Variants in RPS6KA1 observed in about 807,000 individuals in gnomAD.
RPS6KA1 encodes ribosomal protein S6 kinase A1, also known as ribosomal protein S6 kinase alpha-1.
Under a neutral mutation model 91.3 loss-of-function variants are expected in RPS6KA1, and 48 were observed. The observed-to-expected ratio is 0.53, with a 90% confidence interval of 0.42 to 0.67. The LOEUF (loss-of-function observed/expected upper bound fraction) is 0.67, where lower values mean the gene tolerates loss of function less well. Ranked by LOEUF, RPS6KA1 falls within the 30% of genes least tolerant of loss-of-function variation. RPS6KA1 has a pLI of 0.00. For synonymous variants in RPS6KA1, 359 were observed against 384.7 expected, an observed-to-expected ratio of 0.93 and a Z score of 0.78; for missense variants, 719 against 960.5, an observed-to-expected ratio of 0.75 and a Z score of 3.32.
chr1:26,552,366 A>G (rs2076059364), intron 6 of RPS6KA1, among the ~76,000 whole-genome samples: 1 of 139,306 alleles, frequency 7.2e-6, no homozygotes. Context: ...CCAGCTTGGC[A>G]ACAGAGCGAG....
Position 26,554,335 on chromosome 1 carries a change from C to T in RPS6KA1, c.613+84C>T, listed in dbSNP as rs1447577427. 3 of 1,400,860 alleles carry T rather than the reference C, an allele frequency of 2.1e-6. No homozygotes were observed. Among genetic ancestry groups the T allele is most frequent in the African/African-American group, 1.4e-5 (1 of 69,528 alleles). 86.8% of individuals were successfully genotyped at this position (1,400,860 alleles called of 1,614,324 possible). A position where few individuals can be genotyped will look rare whatever the true frequency, so the allele number is the denominator to read the frequency against. On this transcript the variant is annotated intron_variant, in intron 8 of 21. Transcript: ENST00000374168. The surrounding 1 kb of genome is among the most constrained non-coding windows in gnomAD (Gnocchi z 4.6). Reference sequence around the variant, plus strand: ...AGGTCTCGGCTGAGTGCTGGGGGCTCATTCTTCCCGAGAAGCCGTGCCAGT... The same window carrying T: ...AGGTCTCGGCTGAGTGCTGGGGGCTTATTCTTCCCGAGAAGCCGTGCCAGT...
At chr1:26,537,411 G>A (rs1313713760) in intron 2 of RPS6KA1, among the ~76,000 whole-genome samples, 1 of 152,340 alleles carries the variant, frequency 6.6e-6, no homozygotes, top group Non-Finnish European at 1.5e-5. Flanking sequence ...GGCTAACCAG[G>A]CCCATTGCCT....
At chr1:26,567,506 G>C (rs1221928923) in intron 17 of RPS6KA1, among the ~76,000 whole-genome samples, 2 of 152,036 alleles carry the variant, frequency 1.3e-5, no homozygotes, top group East Asian at 3.9e-4. Flanking sequence ...TCAGCCTCCC[G>C]AGTAGCTGGG....
intron 1 of RPS6KA1, among the ~76,000 whole-genome samples, chr1:26,536,252 C>T (rs1040327798): frequency 9.2e-5 from 14 of 151,940 alleles, no homozygotes; most frequent in African/African-American, 3.4e-4. Flanking sequence ...CAGCTGTTAG[C>T]CCCAAGCCCT....
At chr1:26,572,390 A>C in intron 20 of RPS6KA1, 97 bp downstream of exon 20, 1 of 794,372 alleles carries the variant, frequency 1.3e-6, no homozygotes, top group Non-Finnish European at 2.2e-6. Context: ...CATTTCTCCA[A>C]GCGGATGTTC....
chr1:26,556,943 C>T, intron 12 of RPS6KA1, 55 bp from the exon 13 acceptor site: 1 of 1,382,430 alleles, frequency 7.2e-7, no homozygotes, highest in Admixed American at 1.7e-5. Flanking sequence ...GCATGGGGCT[C>T]CTGGTGGGCT....
In RPS6KA1 at chr1:26,554,856, G is replaced by A. The variant is rs1036285458; in HGVS notation, c.756+118G>A. The A allele has an allele frequency of 3.1e-5, 43 of 1,378,744 alleles. No individual in the cohort carries two copies. The highest frequency in any genetic ancestry group is 4.2e-5 in the Non-Finnish European group (43 of 1,012,096). 85.4% of individuals were successfully genotyped at this position (1,378,744 alleles called of 1,614,324 possible). A position where few individuals can be genotyped will look rare whatever the true frequency, so the allele number is the denominator to read the frequency against. On this transcript the variant is annotated intron_variant, in intron 9 of 21. Coordinates refer to ENST00000374168, the MANE Select transcript of RPS6KA1 (RefSeq NM_002953.4). The surrounding 1 kb of genome is among the most constrained non-coding windows in gnomAD (Gnocchi z 4.6). ...TCTCCCCGTCTCCTCTCACAGCCAA[G>A]CTGGCCTCACCCTATATGCACCTGC...
chr1:26,530,775 G>A, intron 1 of RPS6KA1: 1 of 1,288,096 alleles, frequency 7.8e-7, no homozygotes, highest in African/African-American at 1.5e-5. Context: ...TGAGGGCTCT[G>A]TGGCTCCAGT....
At chr1:26,553,785 T>C (rs1450553352) in intron 7 of RPS6KA1, 1 of 259,932 alleles carries the variant, frequency 3.8e-6, no homozygotes, top group Non-Finnish European at 7.3e-6. Flanking sequence ...GATAAAGCCC[T>C]ATAGAATTTT....
intron 17 of RPS6KA1, among the ~76,000 whole-genome samples, chr1:26,569,261 A>AGT (rs1346749605): frequency 6.6e-6 from 1 of 152,078 alleles, no homozygotes; most frequent in Admixed American, 6.6e-5. Context: ...GCCGAGGTGC[A>AGT]GTGGATGGCT....
intron 17 of RPS6KA1, among the ~76,000 whole-genome samples, chr1:26,564,921 G>T (rs915929211): frequency 4.6e-5 from 7 of 152,130 alleles, no homozygotes; most frequent in Non-Finnish European, 8.8e-5. Context: ...ACTTAAAATG[G>T]TTTAGAAGAC....
Position 26,542,270 on chromosome 1 carries a change from T to A in RPS6KA1, c.109-4597T>A, listed in dbSNP as rs141664981. Among the ~76,000 whole-genome samples, 59 of 152,278 alleles carry A rather than the reference T, an allele frequency of 3.9e-4. No homozygotes were observed. In the East Asian group the frequency reaches 9.3e-3, roughly 24 times the overall value. On this transcript the variant is annotated intron_variant, in intron 2 of 21. Coordinates refer to ENST00000374168, the MANE Select transcript of RPS6KA1 (RefSeq NM_002953.4). ...AGAGCTGCCCCAGCCTCCAAACCCC[T>A]GTCTGAGGAAGCTGGAGAGCAATGA...
chr1:26,530,803 GCCAC>G, intron 1 of RPS6KA1: 1 of 1,288,794 alleles, frequency 7.8e-7, no homozygotes, highest in South Asian at 1.2e-5. Flanking sequence ...CGTGCAGAAG[GCCAC>G]CTCTTCCTGT....
At chr1:26,530,770 G>C (rs1169157453) in intron 1 of RPS6KA1, 12 of 1,287,822 alleles carry the variant, frequency 9.3e-6, no homozygotes, top group Non-Finnish European at 7.1e-6. Flanking sequence ...TCCCTTGAGG[G>C]CTCTGTGGCT....
chr1:26,558,855 G>A lies in RPS6KA1; in HGVS notation c.1133G>A (p.Gly378Asp), dbSNP rs373109074. 2 of 1,613,718 alleles carry A rather than the reference G, an allele frequency of 1.2e-6. No individual in the cohort carries two copies. Among genetic ancestry groups the A allele is most frequent in the Non-Finnish European group, 8.5e-7 (1 of 1,179,726 alleles). ...PSAGAHQLFR[G>D]FSFVATGLME... ...GCTGGGGCCCATCAGCTGTTCCGGG[G>A]CTTCAGCTTCGTGGCCACCGGCCTG... Residue 378 changes from glycine to aspartate, a missense_variant, in exon 14 of 22, where the codon GGC becomes GAC. Around this residue, in one of 5 missense-constraint regions of RPS6KA1, gnomAD observed 228 missense variants for 247.6 expected, o/e 0.92. Coordinates refer to ENST00000374168, the MANE Select transcript of RPS6KA1 (RefSeq NM_002953.4). This position sits in a 1 kb window ranked among gnomAD's most constrained non-coding sequence, Gnocchi z 4.0.
Position 26,550,867 on chromosome 1 carries a change from A to G in RPS6KA1, c.308-530A>G, listed in dbSNP as rs780433984. 3.9e-4 allele frequency among the ~76,000 whole-genome samples: 60 copies of G among 152,180 alleles called. 1 individual carries two copies. The highest frequency in any genetic ancestry group is 1.6e-4 in the Non-Finnish European group (11 of 68,038). The stretch of plus-strand genomic sequence containing the variant: ...GCCCAATAACTTGTATTATTTAAAA[A>G]AATAAATAAATAATATGAAGGGTGC... On this transcript the variant is annotated intron_variant, in intron 4 of 21. Coordinates refer to ENST00000374168, the MANE Select transcript of RPS6KA1 (RefSeq NM_002953.4).
intron 1 of RPS6KA1, among the ~76,000 whole-genome samples, chr1:26,536,039 A>G (rs1297489603): frequency 6.6e-6 from 1 of 151,912 alleles, no homozygotes; most frequent in Admixed American, 6.6e-5. Context: ...CTGTAATCCC[A>G]GCTACTTGGG....
rs532284145 is a variant in RPS6KA1, at chr1:26,574,830, G to A, written c.*629G>A. 1.8e-5 allele frequency: 4 copies of A among 228,308 alleles called. No individual in the cohort carries two copies. The highest frequency in any genetic ancestry group is 2.6e-4 in the East Asian group (2 of 7,778). 14.1% of individuals were successfully genotyped at this position (228,308 alleles called of 1,614,324 possible). Reference sequence around the variant, plus strand: ...TTGGCTCTGCCAGTGGATCCCCTGCGGTCAGGCTGGGCAGCCCCAGAGAGA... The same window carrying A: ...TTGGCTCTGCCAGTGGATCCCCTGCAGTCAGGCTGGGCAGCCCCAGAGAGA... On this transcript the variant is annotated 3_prime_UTR_variant, in exon 22 of 22. Transcript: ENST00000374168. This position sits in a 1 kb window ranked among gnomAD's most constrained non-coding sequence, Gnocchi z 4.3.
intron 2 of RPS6KA1, among the ~76,000 whole-genome samples, chr1:26,538,979 T>TG (rs1400053738): frequency 1.3e-5 from 2 of 152,206 alleles, no homozygotes; most frequent in African/African-American, 4.8e-5. Flanking sequence ...TGCACCCTGT[T>TG]GTTCACAGGA....
Sources: allele counts gnomAD v4.1 joint callset (sites outside exome capture counted in the v4.1 genomes callset), GRCh38; gene constraint gnomAD v4.1.1; regional missense constraint gnomAD v4.1.1; non-coding constraint Gnocchi (gnomAD v3.1); transcripts MANE v1.5; gene names NCBI Gene and HGNC (gene_info 2026-07-23, HGNC 2026-07-21).